LUZP2: variants seen among roughly 807,000 people sequenced by gnomAD.
LUZP2 encodes leucine zipper protein 2.
LUZP2 carries 52 observed loss-of-function variants against 51.6 expected under a neutral mutation model. That is an observed-to-expected ratio of 1.01 (90% CI 0.81 to 1.27). The LOEUF is 1.27. LUZP2 is among the 50% of genes most tolerant of loss of function. LUZP2 has a pLI of 0.00. For synonymous variants in LUZP2, 154 were observed against 137.3 expected, an observed-to-expected ratio of 1.12 and a Z score of -0.85; for missense variants, 436 against 395.4, an observed-to-expected ratio of 1.10 and a Z score of -0.87.
chr11:25,059,794 A>G (rs1445959442), intron 10 of LUZP2, among the ~76,000 whole-genome samples: 1 of 152,158 alleles, frequency 6.6e-6, no homozygotes, highest in Admixed American at 6.6e-5. Context: ...TTCTTTGGCA[A>G]TGTCTAGATT....
chr11:25,052,724 G>A (rs1858557025), intron 10 of LUZP2, among the ~76,000 whole-genome samples: 1 of 151,316 alleles, frequency 6.6e-6, no homozygotes, highest in Non-Finnish European at 1.5e-5. Flanking sequence ...GCTTTATTGA[G>A]TGTCCAAACT....
At chr11:24,523,612 A>G (rs1054041208) in intron 1 of LUZP2, among the ~76,000 whole-genome samples, 2 of 151,396 alleles carry the variant, frequency 1.3e-5, no homozygotes, top group Non-Finnish European at 3.0e-5. Flanking sequence ...TAGTACATTT[A>G]GATTGACTAT....
At chr11:24,750,793 C>T (rs1334243962) in intron 4 of LUZP2, among the ~76,000 whole-genome samples, 1 of 152,082 alleles carries the variant, frequency 6.6e-6, no homozygotes, top group Non-Finnish European at 1.5e-5. Context: ...TATACACATA[C>T]ATGTATAAAT....
chr11:24,635,872 G>A (rs1437010645), intron 1 of LUZP2, among the ~76,000 whole-genome samples: 1 of 152,108 alleles, frequency 6.6e-6, no homozygotes, highest in Non-Finnish European at 1.5e-5. Flanking sequence ...GGTGCAGGTA[G>A]ACTTTGCAAG....
At chr11:24,547,389 G>C (rs1016631844) in intron 1 of LUZP2, among the ~76,000 whole-genome samples, 1 of 151,898 alleles carries the variant, frequency 6.6e-6, no homozygotes, top group South Asian at 2.1e-4. Flanking sequence ...AACGGAACAG[G>C]TTAGAGAACC....
chr11:24,612,451 C>T (rs1030551700), intron 1 of LUZP2, among the ~76,000 whole-genome samples: 4 of 151,980 alleles, frequency 2.6e-5, no homozygotes, highest in African/African-American at 9.7e-5. Flanking sequence ...CTCATTTTGC[C>T]ATGATATGCT....
chr11:24,967,220 C>T (rs965767921), intron 7 of LUZP2, among the ~76,000 whole-genome samples: 1 of 151,710 alleles, frequency 6.6e-6, no homozygotes, highest in African/African-American at 2.4e-5. Context: ...TCAAATTTAC[C>T]AAAGTAATCC....
At chr11:24,563,997 G>C (rs1852139773) in intron 1 of LUZP2, among the ~76,000 whole-genome samples, 1 of 152,074 alleles carries the variant, frequency 6.6e-6, no homozygotes, top group African/African-American at 2.4e-5. Context: ...TAAGTTAGCT[G>C]CCCAAGGTCA....
intron 2 of LUZP2, among the ~76,000 whole-genome samples, chr11:24,731,502 A>T (rs1296632119): frequency 6.6e-6 from 1 of 151,734 alleles, no homozygotes; most frequent in Non-Finnish European, 1.5e-5. Flanking sequence ...GCTGTAATTC[A>T]TAGTCTCTGA....
intron 4 of LUZP2, among the ~76,000 whole-genome samples, chr11:24,741,154 A>G (rs1859124125): frequency 6.6e-6 from 1 of 151,944 alleles, no homozygotes; most frequent in Admixed American, 6.6e-5. Context: ...TTGTTTTGCA[A>G]TTTCTGCATA....
intron 10 of LUZP2, among the ~76,000 whole-genome samples, chr11:25,052,459 G>A (rs1403510479): frequency 1.3e-5 from 2 of 152,136 alleles, no homozygotes; most frequent in Admixed American, 1.3e-4. Context: ...ATTCAAATAT[G>A]TAGGTCATTT....
chr11:24,557,213 G>T lies in LUZP2; in HGVS notation c.62+59908G>T, dbSNP rs529474808. On this transcript the variant is annotated intron_variant, in intron 1 of 11. Coordinates refer to ENST00000336930, the MANE Select transcript of LUZP2 (RefSeq NM_001009909.4). Reference sequence around the variant, plus strand: ...TGACAACCTGAGTCCTATCTCTCTTGCCTCCAGAATTCAGCATTATCGTTG... The same window carrying T: ...TGACAACCTGAGTCCTATCTCTCTTTCCTCCAGAATTCAGCATTATCGTTG... Among the ~76,000 whole-genome samples, 4 of 147,456 alleles carry T rather than the reference G, an allele frequency of 2.7e-5. No homozygotes were observed. The East Asian group carries it at 7.7e-4, about 29-fold the overall frequency.
chr11:24,761,651 A>G (rs1411466820), intron 4 of LUZP2, among the ~76,000 whole-genome samples: 1 of 152,150 alleles, frequency 6.6e-6, no homozygotes, highest in African/African-American at 2.4e-5. Flanking sequence ...AAACCACTGT[A>G]TTTAGGGATA....
intron 1 of LUZP2, among the ~76,000 whole-genome samples, chr11:24,648,935 A>T (rs1449065075): frequency 6.6e-6 from 1 of 152,002 alleles, no homozygotes; most frequent in Non-Finnish European, 1.5e-5. Flanking sequence ...ATTTTCTATC[A>T]AGCCAGTAAG....
chr11:24,978,531 G>A (rs1056093867), intron 8 of LUZP2, among the ~76,000 whole-genome samples: 1 of 151,592 alleles, frequency 6.6e-6, no homozygotes, highest in Non-Finnish European at 1.5e-5. Flanking sequence ...ATGTTCTCCC[G>A]ATTTGACTTC....
chr11:24,622,490 C>CCTGAGACA lies in LUZP2; in HGVS notation c.63-106677_63-106670dup, dbSNP rs556011535. On this transcript the variant is annotated intron_variant, in intron 1 of 11. Transcript: ENST00000336930. ...CTTCCCAAAGTGCGGGATTTAAAGG[C>CCTGAGACA]CTGAGACACCGCACCAGGCCTCCTC... Among the ~76,000 whole-genome samples, 465 of 152,150 alleles carry CCTGAGACA rather than the reference C, an allele frequency of 3.1e-3. 12 individuals carry two copies. The highest frequency in any genetic ancestry group is 0.027 in the Admixed American group (415 of 15,268).
rs7948022 is a variant in LUZP2, at chr11:24,907,888, T to C, written c.459+1835T>C. On this transcript the variant is annotated intron_variant, in intron 6 of 11. Transcript: ENST00000336930. ...CTTCATGTATTAGTGTTGCCTAATATTGAAATGTATTGTCATGCCTACTAT... is the reference window on the plus strand; with the variant it reads ...CTTCATGTATTAGTGTTGCCTAATACTGAAATGTATTGTCATGCCTACTAT... Among the ~76,000 whole-genome samples, 377 of 152,330 alleles carry C rather than the reference T, an allele frequency of 2.5e-3. 1 individual carries two copies. Among genetic ancestry groups the C allele is most frequent in the African/African-American group, 8.2e-3 (343 of 41,576 alleles).
intron 5 of LUZP2, among the ~76,000 whole-genome samples, chr11:24,803,531 AC>A (rs78907484): frequency 0.1 from 15,531 of 152,086 alleles, 1,134 homozygotes; most frequent in East Asian, 0.34. Context: ...TCATACACCA[AC>A]ATTTATAGCA....
chr11:24,921,512 A>G (rs1854053213), intron 7 of LUZP2, among the ~76,000 whole-genome samples: 1 of 152,152 alleles, frequency 6.6e-6, no homozygotes, highest in Non-Finnish European at 1.5e-5. Context: ...AGGTGGACCT[A>G]CTTTCTAATC....
Sources: allele counts gnomAD v4.1 joint callset (sites outside exome capture counted in the v4.1 genomes callset), GRCh38; gene constraint gnomAD v4.1.1; transcripts MANE v1.5; gene names NCBI Gene and HGNC (gene_info 2026-07-23, HGNC 2026-07-21).